The following PCDH15 variants were observed in gnomAD, a reference collection of about 807,000 sequenced individuals.
The protein encoded by PCDH15 is protocadherin-15.
Under a neutral mutation model 178.5 loss-of-function variants are expected in PCDH15, and 129 were observed. The ratio of observed to expected loss-of-function variants is 0.72; its 90% CI spans 0.63 to 0.84. The LOEUF is 0.84. PCDH15 is among the 40% of genes least tolerant of loss of function. The pLI is 0.00. For synonymous variants in PCDH15, 800 were observed against 732.0 expected (o/e 1.09, Z -1.50); for missense variants, 2,230 against 2,099.9 (o/e 1.06, Z -1.21).
At chr10:55,618,270 A>G (rs1322172745) in intron 2 of PCDH15, among the ~76,000 whole-genome samples, 1 of 152,076 alleles carries the variant, frequency 6.6e-6, no homozygotes, top group Non-Finnish European at 1.5e-5. Flanking sequence ...AGAAAAATTT[A>G]CTGAGGTAAA....
At chr10:55,534,468 A>C (rs1841527358) in intron 2 of PCDH15, among the ~76,000 whole-genome samples, 1 of 152,142 alleles carries the variant, frequency 6.6e-6, no homozygotes, top group Non-Finnish European at 1.5e-5. Context: ...ACATGAAAAA[A>C]TACTCATCAT....
chr10:54,993,662 G>GT, intron 2 of PCDH15, among the ~76,000 whole-genome samples: 1 of 152,188 alleles, frequency 6.6e-6, no homozygotes, highest in South Asian at 2.1e-4. Flanking sequence ...CATTTCATGA[G>GT]TTTTGCTGTG....
intron 13 of PCDH15, among the ~76,000 whole-genome samples, chr10:54,172,162 C>T (rs1484056814): frequency 6.6e-6 from 1 of 152,066 alleles, no homozygotes; most frequent in African/African-American, 2.4e-5. Flanking sequence ...AGTGAATATG[C>T]CCTGCCCCAC....
chr10:54,555,931 T>G (rs1050719275), intron 2 of PCDH15, among the ~76,000 whole-genome samples: 2 of 143,764 alleles, frequency 1.4e-5, no homozygotes, highest in African/African-American at 5.2e-5. Context: ...CACTGACCCA[T>G]TTAAGCCTCC....
chr10:54,688,792 A>G (rs2095061738), intron 1 of PCDH15, among the ~76,000 whole-genome samples: 1 of 152,142 alleles, frequency 6.6e-6, no homozygotes, highest in Admixed American at 6.5e-5. Flanking sequence ...TACTTTTTCA[A>G]TAAGTAAAAT....
At chr10:55,398,766 G>A (rs1471504158) in intron 2 of PCDH15, among the ~76,000 whole-genome samples, 1 of 151,968 alleles carries the variant, frequency 6.6e-6, no homozygotes, top group Non-Finnish European at 1.5e-5. Context: ...CAAGTATTGG[G>A]GTTTTTTAAT....
chr10:53,966,765 C>A lies in PCDH15; in HGVS notation c.2869-4873G>T, dbSNP rs12253430. 9.3e-3 allele frequency among the ~76,000 whole-genome samples: 1,401 copies of A among 151,104 alleles called. 18 individuals carry two copies. The highest frequency in any genetic ancestry group is 0.03 in the African/African-American group (1,211 of 40,976). On this transcript the variant is annotated intron_variant, in intron 21 of 37. Transcript: ENST00000644397. ...TCCACTAAAATATAATAGATATGAT[C>A]GAAGTATTCTAATGTATAAAACTCA...
At chr10:54,018,901 G>C (rs1475807425) in intron 20 of PCDH15, among the ~76,000 whole-genome samples, 3 of 151,982 alleles carry the variant, frequency 2.0e-5, no homozygotes, top group Admixed American at 2.0e-4. Context: ...GTAGAACATA[G>C]ATACAACTGT....
At position 53,927,658 on chromosome 10, in the gene PCDH15, C is replaced by T. The variant is rs377447323; in HGVS notation, c.3373+11157G>A. Among the ~76,000 whole-genome samples the T allele has an allele frequency of 1.4e-4, 22 of 152,190 alleles. No homozygotes were observed. In the East Asian group the frequency reaches 1.5e-3, roughly 11 times the overall value. On this transcript the variant is annotated intron_variant, in intron 25 of 37. Transcript: ENST00000644397. ...TCAAACATAATTTACTAGACAAATT[C>T]TGTATTGTGCAGGAAAAGGAGTATT...
intron 11 of PCDH15, among the ~76,000 whole-genome samples, chr10:54,195,323 C>A (rs186694986): frequency 6.6e-6 from 1 of 152,110 alleles, no homozygotes; most frequent in Non-Finnish European, 1.5e-5. Flanking sequence ...TCTAGGGGTG[C>A]TTTCATGATT....
intron 2 of PCDH15, among the ~76,000 whole-genome samples, chr10:55,511,687 C>T (rs1279975245): frequency 2.6e-5 from 4 of 151,980 alleles, no homozygotes; most frequent in Non-Finnish European, 5.9e-5. Flanking sequence ...ATGCAAAGCT[C>T]CTCTAATAAA....
intron 2 of PCDH15, among the ~76,000 whole-genome samples, chr10:54,979,092 C>T (rs546021779): frequency 2.0e-5 from 3 of 151,832 alleles, no homozygotes; most frequent in African/African-American, 7.2e-5. Flanking sequence ...AAATAATTGC[C>T]CAAGGTCACA....
rs143728663 is a variant in PCDH15, at chr10:55,266,510, G to A, written c.-156+53089C>T. Among the ~76,000 whole-genome samples, 304 of 152,262 alleles carry A rather than the reference G, an allele frequency of 2.0e-3. 1 individual carries two copies. Among genetic ancestry groups the A allele is most frequent in the African/African-American group, 7.0e-3 (289 of 41,552 alleles). On this transcript the variant is annotated intron_variant, in intron 1 of 5. Transcript: ENST00000458638. The stretch of plus-strand genomic sequence containing the variant: ...GGCCTGTGCCCATGGACCTAGGTGA[G>A]GACAGGCATTTCTGTTTTTGTTCCT...
chr10:54,825,023 C>T (rs561115559), intron 3 of PCDH15, among the ~76,000 whole-genome samples: 86 of 152,232 alleles, frequency 5.6e-4, no homozygotes, highest in Middle Eastern at 3.4e-3. Context: ...TCCCTCCCCC[C>T]TCCTCCCACC....
intron 2 of PCDH15, among the ~76,000 whole-genome samples, chr10:55,428,285 G>T (rs1384247458): frequency 2.6e-5 from 4 of 151,778 alleles, no homozygotes; most frequent in Non-Finnish European, 4.4e-5. Context: ...GAATATAATT[G>T]TGTATTTATC....
Position 55,546,668 on chromosome 10 carries a change from G to T in PCDH15, c.-156+80957C>A, listed in dbSNP as rs548031602. Among the ~76,000 whole-genome samples the T allele has an allele frequency of 3.9e-4, 60 of 152,160 alleles. 1 individual carries two copies. The highest frequency in any genetic ancestry group is 1.3e-3 in the African/African-American group (56 of 41,512). On this transcript the variant is annotated intron_variant, in intron 2 of 5. Transcript: ENST00000613346. ...GGATACCGGCAAGCTTCCTCAGACT[G>T]GATACTATGCAGATGGTTAAGGGAG...
intron 35 of PCDH15, 47 bp from the exon 36 acceptor site, chr10:53,811,666 C>A: frequency 8.1e-7 from 1 of 1,238,662 alleles, no homozygotes; most frequent in South Asian, 1.6e-5. Flanking sequence ...ATTCTTATCA[C>A]GTTTCAGGTC....
At chr10:55,145,034 T>C (rs1340033061) in intron 2 of PCDH15, among the ~76,000 whole-genome samples, 1 of 152,052 alleles carries the variant, frequency 6.6e-6, no homozygotes, top group African/African-American at 2.4e-5. Flanking sequence ...CAAATATAAA[T>C]AGTAGGCATC....
rs539825455 is a variant in PCDH15 at position 54,696,910 on chromosome 10, C to T, written c.-28-32620G>A. 3.9e-5 allele frequency among the ~76,000 whole-genome samples: 6 copies of T among 152,082 alleles called. 1 individual carries two copies. The highest frequency in any genetic ancestry group is 1.4e-4 in the African/African-American group (6 of 41,506). On this transcript the variant is annotated intron_variant, in intron 1 of 37. Coordinates refer to ENST00000644397, the MANE Select transcript of PCDH15 (RefSeq NM_001384140.1). ...ATGTGTATTTTTCCCCAACATCTCC[C>T]CTGACCATCAGGCTGTCATCTTATA...
Sources: allele counts gnomAD v4.1 joint callset (sites outside exome capture counted in the v4.1 genomes callset), GRCh38; gene constraint gnomAD v4.1.1; transcripts MANE v1.5; gene names NCBI Gene and HGNC (gene_info 2026-07-23, HGNC 2026-07-21).